DYRK1A: variants seen among roughly 807,000 people sequenced by gnomAD.
DYRK1A encodes dual specificity tyrosine phosphorylation regulated kinase 1A.
Under a neutral mutation model 79.7 loss-of-function variants are expected in DYRK1A, and 9 were observed. That is an observed-to-expected ratio of 0.11 (90% CI 0.07 to 0.20). The LOEUF (loss-of-function observed/expected upper bound fraction) is 0.20, where lower values mean the gene tolerates loss of function less well. Among genes scored for constraint, DYRK1A ranks in the 10% least tolerant of loss-of-function variants. The pLI, the probability that DYRK1A is intolerant of heterozygous loss-of-function variation, is 1.00. For missense variants in DYRK1A, 622 were observed against 956.0 expected (o/e 0.65, Z 4.61); for synonymous variants, 349 against 329.7 (o/e 1.06, Z -0.63).
intron 3 of DYRK1A, 53 bp downstream of exon 3, chr21:37,472,933 A>C: frequency 7.5e-7 from 1 of 1,337,570 alleles, no homozygotes; most frequent in Non-Finnish European, 9.9e-7. Flanking sequence ...TTATTCCTTA[A>C]AAATGTTGGA....
chr21:37,494,819 G>A (rs758632048), intron 8 of DYRK1A, among the ~76,000 whole-genome samples: 10 of 151,786 alleles, frequency 6.6e-5, no homozygotes, highest in South Asian at 2.1e-4. Context: ...GTGGTGTTGC[G>A]TGCCTGTAAT....
chr21:37,427,385 A>G (rs1004424360), intron 2 of DYRK1A, among the ~76,000 whole-genome samples: 4 of 152,184 alleles, frequency 2.6e-5, no homozygotes, highest in African/African-American at 9.7e-5. Flanking sequence ...TAACCTCCCA[A>G]AGTGCTGGGA....
chr21:37,490,748 G>A (rs924757748), intron 7 of DYRK1A, among the ~76,000 whole-genome samples: 1 of 151,752 alleles, frequency 6.6e-6, no homozygotes, highest in Admixed American at 6.6e-5. Flanking sequence ...CTTTTAAAAT[G>A]CAAATAGCAA....
intron 2 of DYRK1A, chr21:37,464,393 C>T (rs1046530358): frequency 7.9e-6 from 3 of 380,226 alleles, no homozygotes; most frequent in Admixed American, 3.6e-5. Context: ...GAATTTTTCC[C>T]AAGTTTAGCA....
In DYRK1A at chr21:37,519,594, G is replaced by A. The variant is rs1411112171; in HGVS notation, c.*7063G>A. The A allele has an allele frequency of 6.6e-5, 10 of 152,186 alleles. No individual in the cohort carries two copies. The highest frequency in any genetic ancestry group is 1.3e-4 in the Non-Finnish European group (9 of 68,060). 9.4% of individuals were successfully genotyped at this position (152,186 alleles called of 1,614,324 possible). ...GGAAATGAGGTGGACAGTGTTCTCC[G>A]TGGAGGGCTAAACAGCATTGCTTTC... is the stretch of plus-strand genomic sequence containing the variant. On this transcript the variant is annotated 3_prime_UTR_variant, in exon 12 of 12. Coordinates refer to ENST00000647188, the MANE Select transcript of DYRK1A (RefSeq NM_001347721.2).
In DYRK1A at chr21:37,490,562, C is replaced by A. The variant is rs760530944; in HGVS notation, c.924+101C>A. ...GGCGCAAAAGTAATTGCGGTTTTCG[C>A]CATTGCAGTTGCTGTTTTTGCAGTG... On this transcript the variant is annotated intron_variant, in intron 7 of 11. Transcript: ENST00000647188. The A allele has an allele frequency of 5.8e-5, 52 of 890,042 alleles. No homozygotes were observed. The Admixed American group carries it at 6.9e-4, about 12-fold the overall frequency. 55.1% of individuals were successfully genotyped at this position (890,042 alleles called of 1,614,324 possible).
At chr21:37,469,421 T>C (rs552603101) in intron 2 of DYRK1A, among the ~76,000 whole-genome samples, 2 of 152,238 alleles carry the variant, frequency 1.3e-5, no homozygotes, top group African/African-American at 2.4e-5. Context: ...AACTGCAGTT[T>C]ATAGGCATAA....
chr21:37,388,625 T>C (rs962459779), intron 1 of DYRK1A, among the ~76,000 whole-genome samples: 5 of 152,008 alleles, frequency 3.3e-5, no homozygotes, highest in Middle Eastern at 3.4e-3. Context: ...TTGCCTTGTT[T>C]GACAAATCTT....
At chr21:37,386,403 CTT>C (rs1474282329) in intron 1 of DYRK1A, among the ~76,000 whole-genome samples, 1 of 152,168 alleles carries the variant, frequency 6.6e-6, no homozygotes, top group African/African-American at 2.4e-5. Context: ...ACTTGTCAGA[CTT>C]TCTCACGTCG....
At chr21:37,430,886 G>A (rs2050758258) in intron 2 of DYRK1A, among the ~76,000 whole-genome samples, 1 of 152,110 alleles carries the variant, frequency 6.6e-6, no homozygotes, top group Admixed American at 6.5e-5. Flanking sequence ...TGATCATGCG[G>A]CAGATAGTTG....
At chr21:37,466,421 AAAGAT>A (rs2052027442) in intron 2 of DYRK1A, among the ~76,000 whole-genome samples, 1 of 152,234 alleles carries the variant, frequency 6.6e-6, no homozygotes, top group Non-Finnish European at 1.5e-5. Flanking sequence ...AATTCCAGCA[AAAGAT>A]AAGAAAGGAA....
rs1195984576 is a variant in DYRK1A, at chr21:37,367,307, AGCCGCCGCTCGGCGCCCGGCCTC to A, written c.-393_-371del. 2 of 150,148 alleles carry A rather than the reference AGCCGCCGCTCGGCGCCCGGCCTC, an allele frequency of 1.3e-5. No homozygotes were observed. The highest frequency in any genetic ancestry group is 2.1e-4 in the South Asian group (1 of 4,818). 9.3% of individuals were successfully genotyped at this position (150,148 alleles called of 1,614,324 possible). A position where few individuals can be genotyped will look rare whatever the true frequency, so the allele number is the denominator to read the frequency against. On this transcript the variant is annotated 5_prime_UTR_variant, in exon 1 of 12. Transcript: ENST00000647188. ...TCCTCGGGAAGAAGCCGCCGGCAGC[AGCCGCCGCTCGGCGCCCGGCCTC>A]GCCGACGCCGCCCTCTGCGCCGGGC...
chr21:37,460,704 A>G (rs947273258), intron 2 of DYRK1A, among the ~76,000 whole-genome samples: 6 of 152,208 alleles, frequency 3.9e-5, no homozygotes, highest in Admixed American at 3.3e-4. Flanking sequence ...TAATTTAAAT[A>G]GGTTTCATTA....
chr21:37,471,369 T>TA (rs767894242), intron 2 of DYRK1A, among the ~76,000 whole-genome samples: 21 of 152,118 alleles, frequency 1.4e-4, no homozygotes, highest in Non-Finnish European at 2.5e-4. Flanking sequence ...AGGTGGAACT[T>TA]ATGTTTGGGG....
chr21:37,471,568 G>C (rs1370285866), intron 2 of DYRK1A, among the ~76,000 whole-genome samples: 1 of 152,192 alleles, frequency 6.6e-6, no homozygotes, highest in African/African-American at 2.4e-5. Context: ...ATGTACTAAA[G>C]CACTAAACCT....
Position 37,512,118 on chromosome 21 carries a change from C to T in DYRK1A, c.1852C>T (p.Arg618Trp), listed in dbSNP as rs758367401. ...CCATGGACAACAAGCCTTGGGTAACCGGACCAGGCCAAGGGTCTACAATTC... is the reference window on the plus strand; with the variant it reads ...CCATGGACAACAAGCCTTGGGTAACTGGACCAGGCCAAGGGTCTACAATTC... ...HHHGQQALGN[R>W]TRPRVYNSPT... Residue 618 changes from arginine to tryptophan, a missense_variant, in exon 12 of 12, where the codon CGG becomes TGG. Arg to Trp is a moderately radical substitution (Grantham distance 101). This residue lies in a region of DYRK1A where 292 missense variants were observed against 316.7 expected (regional missense o/e 0.92). Transcript: ENST00000647188. The T allele has an allele frequency of 2.2e-5, 35 of 1,614,054 alleles. No individual in the cohort carries two copies. Among genetic ancestry groups the T allele is most frequent in the Non-Finnish European group, 2.6e-5 (31 of 1,180,052 alleles).
chr21:37,442,294 A>G lies in DYRK1A; in HGVS notation c.10+21910A>G, dbSNP rs546120283. Among the ~76,000 whole-genome samples, 7 of 152,086 alleles carry G rather than the reference A, an allele frequency of 4.6e-5. No individual in the cohort carries two copies. The East Asian group carries it at 9.7e-4, about 21-fold the overall frequency. Reference sequence around the variant, plus strand: ...GATTTTTGACCATTAGTTTTTCAAAATTTTTGGGTTCTCCTCTCTGTCAGG... The same window carrying G: ...GATTTTTGACCATTAGTTTTTCAAAGTTTTTGGGTTCTCCTCTCTGTCAGG... On this transcript the variant is annotated intron_variant, in intron 2 of 11. Coordinates refer to ENST00000647188, the MANE Select transcript of DYRK1A (RefSeq NM_001347721.2).
intron 2 of DYRK1A, among the ~76,000 whole-genome samples, chr21:37,470,529 C>T (rs932443857): frequency 2.6e-5 from 4 of 152,076 alleles, no homozygotes; most frequent in African/African-American, 9.7e-5. Flanking sequence ...ATAGTAATAC[C>T]TCTGCTTCAT....
At chr21:37,457,189 C>A (rs576688162) in intron 2 of DYRK1A, among the ~76,000 whole-genome samples, 1 of 151,984 alleles carries the variant, frequency 6.6e-6, no homozygotes. Flanking sequence ...TCTCAGACTC[C>A]GGAGTAGCTG....
Sources: gnomAD v4.1 joint callset for allele counts (sites outside exome capture counted in the v4.1 genomes callset) on GRCh38, gnomAD v4.1.1 for gene constraint, gnomAD v4.1.1 regional missense constraint, MANE v1.5 for transcripts, NCBI Gene and HGNC (gene_info 2026-07-23, HGNC 2026-07-21) for gene names.